TCF4: variants seen among roughly 807,000 people sequenced by gnomAD.
TCF4 encodes the protein SL3-3 enhancer factor 2.
A neutral mutation model predicts 82.1 loss-of-function variants in TCF4; 3 were observed. That is an observed-to-expected ratio of 0.04 (90% CI 0.02 to 0.09). The LOEUF (loss-of-function observed/expected upper bound fraction) is 0.09. Among genes scored for constraint, TCF4 ranks in the 10% least tolerant of loss-of-function variants. TCF4 has a pLI of 1.00. For synonymous variants in TCF4, 276 were observed against 309.6 expected, an observed-to-expected ratio of 0.89 and a Z score of 1.14; for missense variants, 518 against 852.7, an observed-to-expected ratio of 0.61 and a Z score of 4.89.
chr18:55,234,876 C>T (rs558824674), intron 15 of TCF4, among the ~76,000 whole-genome samples, 193 bp from the exon 16 acceptor site: 1 of 152,296 alleles, frequency 6.6e-6, no homozygotes, highest in African/African-American at 2.4e-5. Flanking sequence ...CAGTAAGATG[C>T]CGTGCTGTAC....
chr18:55,544,964 C>A (rs2097193551), intron 3 of TCF4, among the ~76,000 whole-genome samples: 1 of 152,182 alleles, frequency 6.6e-6, no homozygotes, highest in South Asian at 2.1e-4. Context: ...ACATCATGCA[C>A]AGCCAGGTGT....
At chr18:55,251,930 G>GTTGTT (rs1555756468) in intron 15 of TCF4, among the ~76,000 whole-genome samples, 1 of 101,272 alleles carries the variant, frequency 9.9e-6, no homozygotes, top group Non-Finnish European at 2.0e-5. Context: ...GGGGGATGAG[G>GTTGTT]TTTTTTTTTT....
intron 5 of TCF4, among the ~76,000 whole-genome samples, chr18:55,423,237 G>A (rs1054500830): frequency 1.2e-4 from 18 of 151,966 alleles, no homozygotes; most frequent in African/African-American, 3.6e-4. Context: ...TGATGTCAGC[G>A]GTTTTAATTA....
At chr18:55,508,012 A>T (rs1662049495) in intron 3 of TCF4, among the ~76,000 whole-genome samples, 1 of 152,154 alleles carries the variant, frequency 6.6e-6, no homozygotes, top group South Asian at 2.1e-4. Flanking sequence ...CCTCAAGTTG[A>T]TGCTATCCAA....
intron 2 of TCF4, among the ~76,000 whole-genome samples, chr18:55,615,117 CA>C (rs1394032303): frequency 2.0e-5 from 3 of 152,098 alleles, no homozygotes; most frequent in African/African-American, 4.8e-5. Flanking sequence ...TCAATTTCTA[CA>C]TAGCCTTCTA....
intron 6 of TCF4, among the ~76,000 whole-genome samples, chr18:55,389,730 A>C (rs1222446995): frequency 6.6e-6 from 1 of 152,122 alleles, no homozygotes; most frequent in Non-Finnish European, 1.5e-5. Context: ...CCCCAAAGCC[A>C]AGGAACAATG....
Position 55,350,908 on chromosome 18 carries a change from A to G in TCF4, c.465T>C (p.Asn155=), listed in dbSNP as rs1603286017. 7 of 1,613,604 alleles carry G rather than the reference A, an allele frequency of 4.3e-6. No homozygotes were observed. The highest frequency in any genetic ancestry group is 5.9e-6 in the Non-Finnish European group (7 of 1,179,578). ...GSQYYQYSSN[N]PRRRPLHSSA... The stretch of plus-strand genomic sequence containing the variant: ...TACTGTGAAGAGGCCTCCTTCGGGG[A>G]TTATTGCTAGAATACTGATAGTACT... The change falls in exon 7 of 20, where the codon AAT becomes AAC. Residue 155 remains asparagine (N), a synonymous_variant. Coordinates refer to ENST00000354452, the MANE Select transcript of TCF4 (RefSeq NM_001083962.2).
intron 5 of TCF4, chr18:55,404,086 G>C (rs927709909): frequency 2.7e-6 from 3 of 1,100,222 alleles, no homozygotes; most frequent in East Asian, 1.0e-4. Context: ...TTGGGAAACA[G>C]GGCTTTTGAA....
upstream of TCF4, chr18:55,589,396 C>T: frequency 3.3e-5 from 35 of 1,055,184 alleles, no homozygotes; most frequent in Non-Finnish European, 4.0e-5. Context: ...ACATGTGTAT[C>T]CCCAAAAAGT....
In TCF4 at chr18:55,410,978, T is replaced by C. The variant is rs1040916011; in HGVS notation, c.305-7460A>G. Among the ~76,000 whole-genome samples, 3 of 152,298 alleles carry C rather than the reference T, an allele frequency of 2.0e-5. No individual in the cohort carries two copies. The East Asian group carries it at 5.8e-4, about 29-fold the overall frequency. On this transcript the variant is annotated intron_variant, in intron 5 of 19. Coordinates refer to ENST00000354452, the MANE Select transcript of TCF4 (RefSeq NM_001083962.2). ...TCAGCCCCTCACTTGGCATCCTGCT[T>C]AGGAGAAGTACACACATTATCAAAT...
intron 4 of TCF4, among the ~76,000 whole-genome samples, chr18:55,463,447 C>G (rs1293962946): frequency 6.6e-6 from 1 of 152,104 alleles, no homozygotes; most frequent in Non-Finnish European, 1.5e-5. Context: ...CATTATATTC[C>G]TTGGGTCTTC....
At chr18:55,243,579 C>CA (rs2052041290) in intron 15 of TCF4, among the ~76,000 whole-genome samples, 1 of 147,070 alleles carries the variant, frequency 6.8e-6, no homozygotes, top group African/African-American at 2.5e-5. Flanking sequence ...TACCTATATC[C>CA]AACTCGTTTT....
At chr18:55,287,123 A>T (rs539785508) in intron 8 of TCF4, among the ~76,000 whole-genome samples, 1 of 152,192 alleles carries the variant, frequency 6.6e-6, no homozygotes, top group Non-Finnish European at 1.5e-5. Context: ...AAAATGTACC[A>T]CTTATGTGTA....
chr18:55,596,549 T>C (rs796346591), intron 2 of TCF4, among the ~76,000 whole-genome samples: 3 of 152,348 alleles, frequency 2.0e-5, no homozygotes, highest in Non-Finnish European at 2.9e-5. Flanking sequence ...TCGACTAAAG[T>C]GTTAAAACTC....
At chr18:55,407,082 G>A (rs749464314) in intron 5 of TCF4, among the ~76,000 whole-genome samples, 10 of 152,066 alleles carry the variant, frequency 6.6e-5, no homozygotes, top group African/African-American at 1.2e-4. Flanking sequence ...GGGTTGGTGC[G>A]GGGGGCGGGG....
intron 3 of TCF4, among the ~76,000 whole-genome samples, chr18:55,558,588 A>C (rs1427727098): frequency 6.6e-6 from 1 of 152,242 alleles, no homozygotes; most frequent in African/African-American, 2.4e-5. Flanking sequence ...CACTAGAGTC[A>C]CACATCCTGA....
chr18:55,263,185 A>T (rs1408123991), intron 11 of TCF4, among the ~76,000 whole-genome samples: 1 of 152,174 alleles, frequency 6.6e-6, no homozygotes, highest in African/African-American at 2.4e-5. Flanking sequence ...TACTGAAAGA[A>T]ATCTGGCACA....
chr18:55,615,471 G>A (rs920544075), intron 2 of TCF4, among the ~76,000 whole-genome samples: 1 of 151,394 alleles, frequency 6.6e-6, no homozygotes, highest in Non-Finnish European at 1.5e-5. Context: ...CATGTCTTTA[G>A]AACAAAACAA....
intron 8 of TCF4, chr18:55,322,187 A>T: frequency 9.4e-7 from 1 of 1,062,370 alleles, no homozygotes; most frequent in Non-Finnish European, 1.1e-6. Flanking sequence ...TTAGGGTAAA[A>T]GTGGAACAGG....
Sources: gnomAD v4.1 joint callset for allele counts (sites outside exome capture counted in the v4.1 genomes callset) on GRCh38, gnomAD v4.1.1 for gene constraint, MANE v1.5 for transcripts, NCBI Gene and HGNC (gene_info 2026-07-23, HGNC 2026-07-21) for gene names.